MYO18A: variants seen among roughly 807,000 people sequenced by gnomAD.
MYO18A encodes unconventional myosin-XVIIIa.
In MYO18A, 78 loss-of-function variants were observed where a neutral mutation model predicts 235.8. The ratio of observed to expected loss-of-function variants is 0.33; its 90% CI spans 0.28 to 0.40. The LOEUF (loss-of-function observed/expected upper bound fraction) is 0.40. Among genes scored for constraint, MYO18A ranks in the 10% least tolerant of loss-of-function variants. The pLI, the probability that MYO18A is intolerant of heterozygous loss-of-function variation, is 1.00. For synonymous variants in MYO18A, 977 were observed against 1,077.8 expected (o/e 0.91, Z 1.83); for missense variants, 2,215 against 2,699.3 (o/e 0.82, Z 3.98).
At chr17:29,153,117 T>C (rs1373217675) in intron 2 of MYO18A, among the ~76,000 whole-genome samples, 2 of 152,070 alleles carry the variant, frequency 1.3e-5, no homozygotes, top group Non-Finnish European at 2.9e-5. Context: ...AAAGTACTAT[T>C]ATTTTGTGTT....
chr17:29,116,918 C>T (rs2152843126), intron 10 of MYO18A, among the ~76,000 whole-genome samples: 1 of 152,116 alleles, frequency 6.6e-6, no homozygotes, highest in East Asian at 1.9e-4. Context: ...ACACGCCTGC[C>T]CGCCTGTCTG....
At position 29,109,962 on chromosome 17, in the gene MYO18A, G is replaced by A. The variant is rs1445412742; in HGVS notation, c.3227C>T (p.Ser1076Leu). 26 of 1,610,394 alleles carry A rather than the reference G, an allele frequency of 1.6e-5. No homozygotes were observed. Among genetic ancestry groups the A allele is most frequent in the East Asian group, 2.2e-5 (1 of 44,796 alleles). Residue 1076 changes from serine (S) to leucine (L), a missense_variant, in exon 19 of 42, where the codon TCG becomes TTG. Physicochemically the swap from Ser to Leu is moderately radical, Grantham distance 145. Coordinates refer to ENST00000527372, the MANE Select transcript of MYO18A (RefSeq NM_078471.4). The surrounding 1 kb of genome is among the most constrained non-coding windows in gnomAD (Gnocchi z 4.1). ...VSSSSELDLP[S>L]GDHCEAGLLQ... ...GAGCCCAGCCTCGCAGTGGTCTCCC[G>A]AGGGCAGGTCCAGCTCACTGCTGCT...
Position 29,090,069 on chromosome 17 carries a change from G to C in MYO18A, c.5418C>G (p.Phe1806Leu). Reference protein sequence around the residue: ...KLQALQSQVEFLEQSMVDKSL... With the variant: ...KLQALQSQVELLEQSMVDKSL... Reference sequence around the variant, plus strand: ...ACTTGTCCACCATGGACTGCTCCAGGAACTCCACCTGGCTCTGGAGGGCTT... The same window carrying C: ...ACTTGTCCACCATGGACTGCTCCAGCAACTCCACCTGGCTCTGGAGGGCTT... Residue 1806 changes from phenylalanine (F) to leucine (L), a missense_variant, in exon 37 of 42, where the codon TTC becomes TTG. Physicochemically the swap from Phe to Leu is conservative, Grantham distance 22. Coordinates refer to ENST00000527372, the MANE Select transcript of MYO18A (RefSeq NM_078471.4). 6.2e-7 allele frequency: 1 copy of C among 1,613,606 alleles called. No individual in the cohort carries two copies. Among genetic ancestry groups the C allele is most frequent in the Non-Finnish European group, 8.5e-7 (1 of 1,179,716 alleles).
rs1282605020 is a variant in MYO18A at position 29,096,757 on chromosome 17, C to T, written c.4385+4G>A. 97 of 1,595,646 alleles carry T rather than the reference C, an allele frequency of 6.1e-5. No individual in the cohort carries two copies. The highest frequency in any genetic ancestry group is 8.0e-5 in the Non-Finnish European group (94 of 1,170,034). On this transcript the variant is annotated splice_donor_region_variant and intron_variant, in intron 28 of 41. Coordinates refer to ENST00000527372, the MANE Select transcript of MYO18A (RefSeq NM_078471.4). ...TCTGGGCCCAGGGCAGGGGGCCCAC[C>T]CACCTCCTCTGCTTCTTCTCCAGTT...
At chr17:29,082,262 C>T in intron 41 of MYO18A, 54 bp downstream of exon 41, 1 of 1,610,660 alleles carries the variant, frequency 6.2e-7, no homozygotes, top group Non-Finnish European at 8.5e-7. Context: ...GCTACTTGTC[C>T]ATTCCTTGTG....
intron 33 of MYO18A, 70 bp downstream of exon 33, chr17:29,092,785 G>C: frequency 6.4e-7 from 1 of 1,568,412 alleles, no homozygotes; most frequent in Non-Finnish European, 8.7e-7. Flanking sequence ...TGAGAGGAGC[G>C]AGAGAGAGAA....
rs1279798230 is a variant in MYO18A, at chr17:29,109,475, G to A, written c.3331+383C>T. 6.6e-6 allele frequency among the ~76,000 whole-genome samples: 1 copy of A among 152,206 alleles called. No individual in the cohort carries two copies. Among genetic ancestry groups the A allele is most frequent in the Non-Finnish European group, 1.5e-5 (1 of 68,042 alleles). Reference sequence around the variant, plus strand: ...ATTTTAAGTACTTCAGAAAGATTTAGCACCTCATTTCTCACTGGGCAGATG... The same window carrying A: ...ATTTTAAGTACTTCAGAAAGATTTAACACCTCATTTCTCACTGGGCAGATG... On this transcript the variant is annotated intron_variant, in intron 19 of 41. Transcript: ENST00000527372. The surrounding 1 kb of genome is among the most constrained non-coding windows in gnomAD (Gnocchi z 4.1).
At position 29,120,436 on chromosome 17, in the gene MYO18A, A is replaced by G. The variant is rs1388294107; in HGVS notation, c.1728+180T>C. 6.6e-6 allele frequency among the ~76,000 whole-genome samples: 1 copy of G among 152,252 alleles called. No individual in the cohort carries two copies. Among genetic ancestry groups the G allele is most frequent in the Admixed American group, 6.5e-5 (1 of 15,290 alleles). Reference sequence around the variant, plus strand: ...CTGGACTGGCCCCATCCAGGGCAGGAGGCCCTGAGGGCAGAATGGTGATGC... The same window carrying G: ...CTGGACTGGCCCCATCCAGGGCAGGGGGCCCTGAGGGCAGAATGGTGATGC... On this transcript the variant is annotated intron_variant, in intron 7 of 41. Transcript: ENST00000527372. The surrounding 1 kb of genome is among the most constrained non-coding windows in gnomAD (Gnocchi z 4.2).
rs374990736 is a variant in MYO18A, at chr17:29,109,872, C to T, written c.3317G>A (p.Arg1106His). The T allele has an allele frequency of 1.4e-5, 22 of 1,560,908 alleles. No individual in the cohort carries two copies. Among genetic ancestry groups the T allele is most frequent in the East Asian group, 1.2e-4 (5 of 41,738 alleles). ...LRGSRLLDAM[R>H]MYRQGYPDHM... is the part of the protein sequence containing the mutation. ...GGAGGCCCCACCTTGGCGGTACATG[C>T]GCATGGCATCGAGCAGGCGGGAGCC... Residue 1106 changes from arginine (R) to histidine (H), a missense_variant, in exon 19 of 42, where the codon CGC becomes CAC. Arg to His is a conservative substitution (Grantham distance 29). Transcript: ENST00000527372. The surrounding 1 kb of genome is among the most constrained non-coding windows in gnomAD (Gnocchi z 4.1).
chr17:29,123,831 G>A (rs902260411), intron 2 of MYO18A, among the ~76,000 whole-genome samples: 2 of 152,156 alleles, frequency 1.3e-5, no homozygotes, highest in Non-Finnish European at 2.9e-5. Flanking sequence ...GGTGGATCAC[G>A]AGGTCAGGAG....
rs1598318204 is a variant in MYO18A at position 29,109,974 on chromosome 17, A to G, written c.3215T>C (p.Leu1072Pro). 6.2e-7 allele frequency: 1 copy of G among 1,611,780 alleles called. No individual in the cohort carries two copies. The highest frequency in any genetic ancestry group is 8.5e-7 in the Non-Finnish European group (1 of 1,179,152). The change falls in exon 19 of 42, where the codon CTG becomes CCG. Residue 1072 changes from leucine to proline, a missense_variant. Leu to Pro is a moderately conservative substitution (Grantham distance 98). Transcript: ENST00000527372. This position sits in a 1 kb window ranked among gnomAD's most constrained non-coding sequence, Gnocchi z 4.1. ...SSRRVSSSSE[L>P]DLPSGDHCEA... ...GCAGTGGTCTCCCGAGGGCAGGTCC[A>G]GCTCACTGCTGCTGCTGACTCGGCG...
Position 29,140,583 on chromosome 17 carries a change from T to G in MYO18A, c.1000-18330A>C. ...TGTGTGTGGAAGGGAAGGAGAAGGC[T>G]CTTAGGGTAAAGCCATTGGGGTGGG... On this transcript the variant is annotated intron_variant, in intron 2 of 41. Transcript: ENST00000527372. This position sits in a 1 kb window ranked among gnomAD's most constrained non-coding sequence, Gnocchi z 4.2. 3.2e-6 allele frequency: 1 copy of G among 315,832 alleles called. No individual in the cohort carries two copies. The highest frequency in any genetic ancestry group is 3.0e-5 in the South Asian group (1 of 33,452). 19.6% of individuals were successfully genotyped at this position (315,832 alleles called of 1,614,324 possible). A position where few individuals can be genotyped will look rare whatever the true frequency, so the allele number is the denominator to read the frequency against.
Position 29,122,252 on chromosome 17 carries a change from G to A in MYO18A, c.1001C>T (p.Ala334Val), listed in dbSNP as rs751102185. Residue 334 changes from alanine to valine, a missense_variant and splice_region_variant, in exon 3 of 42, where the codon GCG becomes GTG. Coordinates refer to ENST00000527372, the MANE Select transcript of MYO18A (RefSeq NM_078471.4). ...TGCTGCAATCTGTTCTTCTGTTTTC[G>A]CCTGTCAGAGAGAGAGAAGAATAAA... is the stretch of plus-strand genomic sequence containing the variant. ...GEGPRREPSD[A>V]KTEEQIAAEE... The A allele has an allele frequency of 1.1e-5, 17 of 1,610,536 alleles. 1 individual carries two copies. The highest frequency in any genetic ancestry group is 8.9e-5 in the South Asian group (8 of 90,210).
intron 1 of MYO18A, among the ~76,000 whole-genome samples, chr17:29,176,010 A>AT (rs909172006): frequency 6.6e-5 from 10 of 152,274 alleles, no homozygotes; most frequent in African/African-American, 2.4e-4. Flanking sequence ...GTGAGCCAAG[A>AT]TTGCGCCACT....
rs1025364025 is a variant in MYO18A, at chr17:29,117,998, G to A, written c.2038+47C>T. The A allele has an allele frequency of 1.9e-6, 3 of 1,551,908 alleles. No homozygotes were observed. Among genetic ancestry groups the A allele is most frequent in the East Asian group, 4.8e-5 (2 of 41,344 alleles). ...CTGGGAGTGGGCAGGGTCCCTGTGAGGTCACCCAGGGGACAGGCCAGCCTA... is the reference window on the plus strand; with the variant it reads ...CTGGGAGTGGGCAGGGTCCCTGTGAAGTCACCCAGGGGACAGGCCAGCCTA... On this transcript the variant is annotated intron_variant, in intron 10 of 41. Transcript: ENST00000527372. The surrounding 1 kb of genome is among the most constrained non-coding windows in gnomAD (Gnocchi z 4.6).
intron 30 of MYO18A, chr17:29,094,431 G>C (rs2066472200): frequency 1.6e-6 from 1 of 617,990 alleles, no homozygotes; most frequent in Non-Finnish European, 2.8e-6. Context: ...CTCCCTACTA[G>C]AGCTCCATCA....
At chr17:29,081,654 G>A (rs1035874626) in intron 41 of MYO18A, among the ~76,000 whole-genome samples, 2 of 152,036 alleles carry the variant, frequency 1.3e-5, no homozygotes, top group Non-Finnish European at 2.9e-5. Context: ...AGGGGGGAGC[G>A]AGGGCTCTTC....
rs113764766 is a variant in MYO18A, at chr17:29,085,380, G to A, written c.5897+224C>T. On this transcript the variant is annotated intron_variant, in intron 40 of 41. Transcript: ENST00000527372. ...GAGCCCCCCCATCCTGCCCACCAAG[G>A]GTGCACGGGCCAGCCCCAGCCTTCT... Among the ~76,000 whole-genome samples, 194 of 152,324 alleles carry A rather than the reference G, an allele frequency of 1.3e-3. 1 individual carries two copies. Among genetic ancestry groups the A allele is most frequent in the African/African-American group, 4.3e-3 (178 of 41,570 alleles).
chr17:29,077,611 A>C (rs2066013590), intron 41 of MYO18A: 1 of 152,316 alleles, frequency 6.6e-6, no homozygotes, highest in African/African-American at 2.4e-5. Context: ...TTCTGGCTTG[A>C]TGGCCACTCT....
Sources: allele counts gnomAD v4.1 joint callset (sites outside exome capture counted in the v4.1 genomes callset), GRCh38; gene constraint gnomAD v4.1.1; non-coding constraint Gnocchi (gnomAD v3.1); transcripts MANE v1.5; gene names NCBI Gene and HGNC (gene_info 2026-07-23, HGNC 2026-07-21).